The following STC1 variants were observed in gnomAD, a reference collection of about 807,000 sequenced individuals.
STC1 encodes stanniocalcin 1, also known as stanniocalcin-1.
In STC1, 7 loss-of-function variants were observed where a neutral mutation model predicts 22.6. That is an observed-to-expected ratio of 0.31 (90% CI 0.18 to 0.58). The LOEUF (loss-of-function observed/expected upper bound fraction) is 0.58, where lower values mean the gene tolerates loss of function less well. STC1 is among the 20% of genes least tolerant of loss of function. The pLI, the probability that STC1 is intolerant of heterozygous loss-of-function variation, is 0.89. For synonymous variants in STC1, 113 were observed against 120.7 expected (o/e 0.94, Z 0.42); for missense variants, 224 against 311.0 (o/e 0.72, Z 2.10).
At chr8:23,848,132 A>G (rs1427815991) in intron 3 of STC1, among the ~76,000 whole-genome samples, 6 of 151,460 alleles carry the variant, frequency 4.0e-5, no homozygotes, top group Non-Finnish European at 4.4e-5. Context: ...ATGACATTCT[A>G]TGTTTCTAGG....
intron 1 of STC1, among the ~76,000 whole-genome samples, chr8:23,853,114 G>C (rs373842547): frequency 6.6e-6 from 1 of 152,220 alleles, no homozygotes; most frequent in Non-Finnish European, 1.5e-5. Flanking sequence ...ATGCAAGACT[G>C]GAAGAAAACC....
intron 3 of STC1, 55 bp downstream of exon 3, chr8:23,851,261 TGCCA>T: frequency 5.1e-6 from 8 of 1,563,658 alleles, no homozygotes; most frequent in South Asian, 1.1e-5. Flanking sequence ...AGTCTGGCTC[TGCCA>T]GCCAGCCACC....
At chr8:23,852,490 T>C (rs1281484459) in intron 1 of STC1, 106 bp from the exon 2 acceptor site, 1 of 1,269,824 alleles carries the variant, frequency 7.9e-7, no homozygotes, top group East Asian at 2.4e-5. Context: ...CAGAAGAACT[T>C]ATCCTAGGAA....
chr8:23,853,496 C>T (rs559306960), intron 1 of STC1, among the ~76,000 whole-genome samples: 1 of 152,326 alleles, frequency 6.6e-6, no homozygotes, highest in Non-Finnish European at 1.5e-5. Flanking sequence ...CAAAAGCCCT[C>T]CTCTCGGCAG....
At chr8:23,852,644 C>G (rs1337830509) in intron 1 of STC1, among the ~76,000 whole-genome samples, 1 of 152,078 alleles carries the variant, frequency 6.6e-6, no homozygotes, top group Non-Finnish European at 1.5e-5. Context: ...TCACCATTAC[C>G]TACAATTTTG....
intron 3 of STC1, 98 bp from the exon 4 acceptor site, chr8:23,845,138 G>A: frequency 7.9e-7 from 1 of 1,258,544 alleles, no homozygotes; most frequent in Non-Finnish European, 1.1e-6. Context: ...GTCCCTAATG[G>A]CCTGACCATG....
At chr8:23,853,914 G>A (rs1179439600) in intron 1 of STC1, 1 of 609,960 alleles carries the variant, frequency 1.6e-6, no homozygotes, top group Non-Finnish European at 2.1e-6. Flanking sequence ...AGACTTGAGG[G>A]CTATGGTTCT....
At position 23,852,377 on chromosome 8, in the gene STC1, C is replaced by A. The variant is rs749681865; in HGVS notation, c.126G>T (p.Val42=). The A allele has an allele frequency of 5.3e-5, 84 of 1,597,554 alleles. No homozygotes were observed. The highest frequency in any genetic ancestry group is 8.5e-7 in the Non-Finnish European group (1 of 1,172,812). ...SRVAAQNSAE[V]VRCLNSALQV... is the part of the protein sequence containing the mutation. ...GTAGAGCACTGTTGAGGCAACGAACCACTTCAGCTGAAAGAGACAAATCCA... is the reference window on the plus strand; with the variant it reads ...GTAGAGCACTGTTGAGGCAACGAACAACTTCAGCTGAAAGAGACAAATCCA... The change falls in exon 2 of 4, where the codon GTG becomes GTT. Residue 42 remains valine, a synonymous_variant. Transcript: ENST00000290271.
At chr8:23,854,103 C>A in intron 1 of STC1, 29 of 1,204,990 alleles carry the variant, frequency 2.4e-5, no homozygotes, top group Non-Finnish European at 3.0e-5. Context: ...ACATTCAAGC[C>A]TTTCCTCCCC....
rs1802529098 is a variant in STC1, at chr8:23,842,775, G to T, written c.*1995C>A. The T allele has an allele frequency of 6.5e-6, 1 of 152,740 alleles. No homozygotes were observed. The highest frequency in any genetic ancestry group is 6.6e-5 in the Admixed American group (1 of 15,262). The allele number at this position is 152,740 out of a possible 1,614,324, so 9.5% of individuals were successfully genotyped here. A position where few individuals can be genotyped will look rare whatever the true frequency, so the allele number is the denominator to read the frequency against. ...TCCATAAGTTTGGGGACCTGGGGAT[G>T]GGACAGTTCTGAGTATAAAAATGCC... is the stretch of plus-strand genomic sequence containing the variant. On this transcript the variant is annotated 3_prime_UTR_variant, in exon 4 of 4. Transcript: ENST00000290271.
intron 3 of STC1, among the ~76,000 whole-genome samples, chr8:23,846,487 C>T (rs768394613): frequency 2.4e-4 from 37 of 152,124 alleles, no homozygotes; most frequent in Non-Finnish European, 4.1e-4. Context: ...CCAGGTCTTC[C>T]GTGAAAAGAA....
chr8:23,844,812 G>A lies in STC1; in HGVS notation c.702C>T (p.Asp234=), dbSNP rs1234257817. ...VLLRNLRGEE[D]SPSHIKRTSH... is the part of the protein sequence containing the mutation. ...ATGTGCGTTTGATGTGGGAGGGAGA[G>A]TCCTCCTCACCTCGGAGGTTCCTGA... Residue 234 remains aspartate (D), a synonymous_variant, in exon 4 of 4, where the codon GAC becomes GAT. Coordinates refer to ENST00000290271, the MANE Select transcript of STC1 (RefSeq NM_003155.3). 6.2e-7 allele frequency: 1 copy of A among 1,613,970 alleles called. No homozygotes were observed. The highest frequency in any genetic ancestry group is 1.3e-5 in the African/African-American group (1 of 74,878).
rs767173224 is a variant in STC1, at chr8:23,854,544, A to C, written c.-21T>G. On this transcript the variant is annotated 5_prime_UTR_variant, in exon 1 of 4. Coordinates refer to ENST00000290271, the MANE Select transcript of STC1 (RefSeq NM_003155.3). ...AGCATTCTCTGAGAAGTTTCCGCTA[A>C]GTTGTTGGGTTTTTTTTTTTTCCTG... 6.3e-7 allele frequency: 1 copy of C among 1,593,494 alleles called. No homozygotes were observed. Among genetic ancestry groups the C allele is most frequent in the Admixed American group, 1.7e-5 (1 of 58,358 alleles).
intron 1 of STC1, among the ~76,000 whole-genome samples, chr8:23,852,777 A>C (rs1250679756): frequency 6.6e-6 from 1 of 152,074 alleles, no homozygotes; most frequent in Non-Finnish European, 1.5e-5. Flanking sequence ...GCTAGTGGTC[A>C]GGTTTAAGAG....
chr8:23,854,304 C>A, intron 1 of STC1, 102 bp downstream of exon 1: 1 of 1,133,248 alleles, frequency 8.8e-7, no homozygotes, highest in Non-Finnish European at 1.3e-6. Flanking sequence ...GCATGAAGCA[C>A]ATTTATTATC....
rs142235003 is a variant in STC1, at chr8:23,851,866, A to G, written c.262-335T>C. ...ACTTTGAGAATTCAGATCAAAAGCTAGTATGCTAGGTCATGCAGAGAGAAC... is the reference window on the plus strand; with the variant it reads ...ACTTTGAGAATTCAGATCAAAAGCTGGTATGCTAGGTCATGCAGAGAGAAC... On this transcript the variant is annotated intron_variant, in intron 2 of 3. Transcript: ENST00000290271. Among the ~76,000 whole-genome samples, 641 of 152,284 alleles carry G rather than the reference A, an allele frequency of 4.2e-3. 7 individuals carry two copies. The highest frequency in any genetic ancestry group is 0.015 in the African/African-American group (626 of 41,566).
chr8:23,849,588 A>C (rs967755823), intron 3 of STC1, among the ~76,000 whole-genome samples: 1 of 152,214 alleles, frequency 6.6e-6, no homozygotes, highest in Non-Finnish European at 1.5e-5. Flanking sequence ...CCTCTAGTCG[A>C]GTAGCTATAT....
intron 3 of STC1, among the ~76,000 whole-genome samples, chr8:23,847,779 T>C (rs1047614599): frequency 2.0e-5 from 3 of 152,258 alleles, no homozygotes; most frequent in African/African-American, 4.8e-5. Context: ...GAGCACCTTC[T>C]TGTGCTATGG....
intron 1 of STC1, among the ~76,000 whole-genome samples, chr8:23,853,710 A>G (rs1466030047): frequency 6.6e-6 from 1 of 152,228 alleles, no homozygotes; most frequent in Non-Finnish European, 1.5e-5. Context: ...AACTGCTCCA[A>G]GAGTCAAGAC....
Sources: allele counts gnomAD v4.1 joint callset (sites outside exome capture counted in the v4.1 genomes callset), GRCh38; gene constraint gnomAD v4.1.1; transcripts MANE v1.5; gene names NCBI Gene and HGNC (gene_info 2026-07-23, HGNC 2026-07-21).